The following RNF169 variants were observed in gnomAD, a reference collection of about 807,000 sequenced individuals.
The protein encoded by RNF169 is ring finger protein 169, also known as E3 ubiquitin-protein ligase RNF169.
In RNF169, 24 loss-of-function variants were observed where a neutral mutation model predicts 53.9. The observed-to-expected ratio is 0.45, with a 90% CI of 0.32 to 0.63. The LOEUF (loss-of-function observed/expected upper bound fraction) is 0.63. RNF169 is among the 20% of genes least tolerant of loss of function. RNF169 has a pLI of 0.04. For synonymous variants in RNF169, 396 were observed against 363.5 expected (o/e 1.09, Z -1.02); for missense variants, 883 against 906.2 (o/e 0.97, Z 0.33).
rs200579339 is a variant in RNF169 at position 74,760,751 on chromosome 11, T to C, written c.502+11369T>C. 4.8e-5 allele frequency among the ~76,000 whole-genome samples: 7 copies of C among 144,614 alleles called. No individual in the cohort carries two copies. In the East Asian group the frequency reaches 1.4e-3, roughly 29 times the overall value. 94.9% of individuals were successfully genotyped at this position (144,614 alleles called of 152,430 possible). A position where few individuals can be genotyped will look rare whatever the true frequency, so the allele number is the denominator to read the frequency against. On this transcript the variant is annotated intron_variant, in intron 1 of 5. Transcript: ENST00000299563. ...TCCAACTATGTGGTCAATTTTGGAATAGGTGTGGTGTGGTGCTGAAAAAAA... is the reference window on the plus strand; with the variant it reads ...TCCAACTATGTGGTCAATTTTGGAACAGGTGTGGTGTGGTGCTGAAAAAAA...
In RNF169 at chr11:74,760,589, A is replaced by C. The variant is rs1214775779; in HGVS notation, c.502+11207A>C. Among the ~76,000 whole-genome samples the C allele has an allele frequency of 5.3e-5, 8 of 151,680 alleles. No homozygotes were observed. In the East Asian group the frequency reaches 1.6e-3, roughly 29 times the overall value. ...ATGTACCCAGTAGTCATTCAGGAGCAGGTTGTTCAGTTTCCATGTAGTTGA... is the reference window on the plus strand; with the variant it reads ...ATGTACCCAGTAGTCATTCAGGAGCCGGTTGTTCAGTTTCCATGTAGTTGA... On this transcript the variant is annotated intron_variant, in intron 1 of 5. Transcript: ENST00000299563.
intron 4 of RNF169, among the ~76,000 whole-genome samples, chr11:74,824,595 G>A (rs879915740): frequency 2.0e-5 from 3 of 152,092 alleles, no homozygotes; most frequent in Non-Finnish European, 4.4e-5. Flanking sequence ...CAGAATACTG[G>A]AAATAGCAAA....
In RNF169 at chr11:74,748,930, C is replaced by G; in HGVS notation, c.50C>G (p.Ala17Gly). ...CGGGCCTCTTCCGCGGCGGCAGCAG[C>G]CGCTCTGAGTCGGCGGGGCCGGCGG... ...STRASSAAAA[A>G]ALSRRGRRGR... is the part of the protein sequence containing the mutation. The change falls in exon 1 of 6, where the codon GCC becomes GGC. Residue 17 changes from alanine to glycine, a missense_variant. This residue lies in a region of RNF169 where 313 missense variants were observed against 279.9 expected (regional missense o/e 1.12). Transcript: ENST00000299563. The G allele has an allele frequency of 6.9e-7, 1 of 1,458,902 alleles. No individual in the cohort carries two copies. Among genetic ancestry groups the G allele is most frequent in the Non-Finnish European group, 9.1e-7 (1 of 1,095,998 alleles). The allele number at this position is 1,458,902 out of a possible 1,614,324, so 90.4% of individuals were successfully genotyped here.
At chr11:74,808,765 A>T (rs182229838) in intron 2 of RNF169, among the ~76,000 whole-genome samples, 196 of 152,272 alleles carry the variant, frequency 1.3e-3, no homozygotes, top group African/African-American at 4.7e-3. Context: ...GCCTGTAGTC[A>T]AGTTGTTGAA....
At chr11:74,763,998 C>G (rs547934933) in intron 1 of RNF169, among the ~76,000 whole-genome samples, 2 of 152,276 alleles carry the variant, frequency 1.3e-5, no homozygotes, top group East Asian at 3.9e-4. Flanking sequence ...AAGCGTGAGC[C>G]ACTGCACCTG....
intron 2 of RNF169, among the ~76,000 whole-genome samples, chr11:74,797,258 A>G (rs1370224692): frequency 1.3e-5 from 2 of 152,208 alleles, no homozygotes; most frequent in Admixed American, 6.5e-5. Flanking sequence ...CCTTTTATTA[A>G]CTTACTGCCT....
chr11:74,803,217 C>T (rs2035759293), intron 2 of RNF169, among the ~76,000 whole-genome samples: 1 of 152,044 alleles, frequency 6.6e-6, no homozygotes, highest in African/African-American at 2.4e-5. Flanking sequence ...TCCCTAGTAG[C>T]TGGAACTACA....
At position 74,842,398 on chromosome 11, in the gene RNF169, A is replaced by C. The variant is rs1484976013; in HGVS notation, c.*5668A>C. On this transcript the variant is annotated 3_prime_UTR_variant, in exon 6 of 6. Transcript: ENST00000299563. Reference sequence around the variant, plus strand: ...CCCAAGTTGAGAATACAGTAAAGGAAACTCATGAAAGTGGATGTTCTGTTT... The same window carrying C: ...CCCAAGTTGAGAATACAGTAAAGGACACTCATGAAAGTGGATGTTCTGTTT... The C allele has an allele frequency of 6.6e-6, 1 of 152,248 alleles. No individual in the cohort carries two copies. The highest frequency in any genetic ancestry group is 2.4e-5 in the African/African-American group (1 of 41,466). 9.4% of individuals were successfully genotyped at this position (152,248 alleles called of 1,614,324 possible).
intron 2 of RNF169, among the ~76,000 whole-genome samples, chr11:74,795,194 T>G (rs2035630515): frequency 6.7e-6 from 1 of 148,724 alleles, no homozygotes; most frequent in Admixed American, 6.7e-5. Context: ...GGGGGGGTGG[T>G]GTGTATGTTT....
At chr11:74,812,503 C>T (rs2135120326) in intron 3 of RNF169, among the ~76,000 whole-genome samples, 1 of 151,920 alleles carries the variant, frequency 6.6e-6, no homozygotes, top group South Asian at 2.1e-4. Context: ...TGAGGGTGTC[C>T]CTATGTTGCC....
At chr11:74,829,044 G>A (rs751596747) in intron 4 of RNF169, among the ~76,000 whole-genome samples, 18 of 152,192 alleles carry the variant, frequency 1.2e-4, no homozygotes, top group Non-Finnish European at 2.6e-4. Context: ...ACTGTCATCA[G>A]AGTGAACAGA....
At chr11:74,773,924 T>C (rs772870018) in intron 1 of RNF169, among the ~76,000 whole-genome samples, 12 of 152,216 alleles carry the variant, frequency 7.9e-5, no homozygotes, top group Non-Finnish European at 1.5e-4. Context: ...TTAGCTGTTA[T>C]TATATGCAGT....
chr11:74,778,457 T>A (rs2035368227), intron 1 of RNF169, among the ~76,000 whole-genome samples: 2 of 152,198 alleles, frequency 1.3e-5, no homozygotes, highest in African/African-American at 4.8e-5. Flanking sequence ...TTTTTCTTGT[T>A]TGAGATTATA....
At chr11:74,753,261 G>A (rs960418704) in intron 1 of RNF169, among the ~76,000 whole-genome samples, 2 of 152,140 alleles carry the variant, frequency 1.3e-5, no homozygotes, top group South Asian at 2.1e-4. Context: ...GAGCCACCGC[G>A]CCCAGCCTTG....
intron 1 of RNF169, among the ~76,000 whole-genome samples, chr11:74,789,203 C>T (rs10501419): frequency 0.012 from 1,770 of 152,242 alleles, 49 homozygotes; most frequent in African/African-American, 0.041. Context: ...TAAATATCTT[C>T]TACCTTACTC....
At chr11:74,825,034 T>G (rs1038798030) in intron 4 of RNF169, among the ~76,000 whole-genome samples, 1 of 152,194 alleles carries the variant, frequency 6.6e-6, no homozygotes, top group Non-Finnish European at 1.5e-5. Flanking sequence ...ATGCAAACAG[T>G]AAACAAGAGA....
Position 74,749,264 on chromosome 11 carries a change from G to C in RNF169, c.384G>C (p.Val128=). 2 of 1,127,152 alleles carry C rather than the reference G, an allele frequency of 1.8e-6. No individual in the cohort carries two copies. The highest frequency in any genetic ancestry group is 2.2e-6 in the Non-Finnish European group (2 of 922,166). The allele number at this position is 1,127,152 out of a possible 1,614,324, so 69.8% of individuals were successfully genotyped here. Residue 128 remains valine, a synonymous_variant, in exon 1 of 6, where the codon GTG becomes GTC. Transcript: ENST00000299563. The part of the protein sequence containing the change: ...ARDDGQADSE[V]LGECARRSQP... ...ACGACGGCCAGGCCGACTCAGAGGTGCTGGGCGAGTGCGCCCGCCGCAGCC... is the reference window on the plus strand; with the variant it reads ...ACGACGGCCAGGCCGACTCAGAGGTCCTGGGCGAGTGCGCCCGCCGCAGCC...
At chr11:74,799,045 C>A (rs1232871385) in intron 2 of RNF169, among the ~76,000 whole-genome samples, 3 of 146,278 alleles carry the variant, frequency 2.1e-5, no homozygotes, top group South Asian at 4.3e-4. Flanking sequence ...CAGAGCAAGA[C>A]CCCGTCTCAA....
intron 1 of RNF169, among the ~76,000 whole-genome samples, chr11:74,764,159 C>A (rs940667616): frequency 6.6e-6 from 1 of 152,348 alleles, no homozygotes; most frequent in Admixed American, 6.5e-5. Flanking sequence ...TATCTTTTAA[C>A]CTACAAGAGA....
Sources: gnomAD v4.1 joint callset for allele counts (sites outside exome capture counted in the v4.1 genomes callset) on GRCh38, gnomAD v4.1.1 for gene constraint, gnomAD v4.1.1 regional missense constraint, MANE v1.5 for transcripts, NCBI Gene and HGNC (gene_info 2026-07-23, HGNC 2026-07-21) for gene names.